TMBIM1: variants seen among roughly 807,000 people sequenced by gnomAD.
The protein encoded by TMBIM1 is transmembrane BAX inhibitor motif containing 1.
In TMBIM1, 34 loss-of-function variants were observed where a neutral mutation model predicts 45.1. The ratio of observed to expected loss-of-function variants is 0.75; its 90% CI spans 0.57 to 1.00. TMBIM1 has a LOEUF of 1.00. Among genes scored for constraint, TMBIM1 ranks in the 50% least tolerant of loss-of-function variants. The probability of loss-of-function intolerance (pLI) is 0.00; values close to 1 mark genes in which losing one functional copy is unlikely to be tolerated. For missense variants in TMBIM1, 374 were observed against 402.4 expected (o/e 0.93, Z 0.60); for synonymous variants, 157 against 153.5 (o/e 1.02, Z -0.17).
chr2:218,280,174 C>T (rs756070471), intron 2 of TMBIM1, 48 bp from the exon 3 acceptor site: 26 of 1,372,478 alleles, frequency 1.9e-5, no homozygotes, highest in Non-Finnish European at 2.6e-5. Context: ...AGACATGTGG[C>T]GTCAATCCCA....
At chr2:218,280,374 C>T (rs989366605) in intron 2 of TMBIM1, 4 of 442,240 alleles carry the variant, frequency 9.0e-6, no homozygotes, top group Admixed American at 3.7e-5. Context: ...GTGCCCAGCC[C>T]ACGCCACTGG....
chr2:218,284,588 G>T (rs1692349509), intron 1 of TMBIM1, among the ~76,000 whole-genome samples: 1 of 152,198 alleles, frequency 6.6e-6, no homozygotes, highest in African/African-American at 2.4e-5. Context: ...CAGGCTTTTG[G>T]TTTCAGAAGC....
intron 2 of TMBIM1, chr2:218,280,385 GGGTT>G (rs1691780230): frequency 2.4e-6 from 1 of 414,670 alleles, no homozygotes; most frequent in Non-Finnish European, 4.5e-6. Flanking sequence ...ACGCCACTGG[GGGTT>G]CACTGGGGGG....
chr2:218,282,360 T>G (rs976045099), intron 1 of TMBIM1, among the ~76,000 whole-genome samples, 179 bp from the exon 2 acceptor site: 6 of 152,208 alleles, frequency 3.9e-5, no homozygotes, highest in African/African-American at 1.4e-4. Context: ...ACTGGGCTCC[T>G]GTCCCTCCTG....
At chr2:218,285,157 T>C (rs1300780009) in intron 1 of TMBIM1, among the ~76,000 whole-genome samples, 1 of 152,212 alleles carries the variant, frequency 6.6e-6, no homozygotes, top group Non-Finnish European at 1.5e-5. Flanking sequence ...TCAATGGGGA[T>C]AAAGGTTGGT....
At chr2:218,280,751 TCCACGCTTGAGCCAC>T (rs1691826667) in intron 2 of TMBIM1, 1 of 151,450 alleles carries the variant, frequency 6.6e-6, no homozygotes, top group Non-Finnish European at 1.5e-5. Context: ...ACTTTTAAAA[TCCACGCTTGAGCCAC>T]CCAGGAAGAC....
chr2:218,284,518 G>A (rs1692343532), intron 1 of TMBIM1, among the ~76,000 whole-genome samples: 1 of 152,250 alleles, frequency 6.6e-6, no homozygotes, highest in South Asian at 2.1e-4. Flanking sequence ...CCAAGGTTCT[G>A]GTGCAGCTCA....
At chr2:218,276,251 A>G (rs372231919) in intron 10 of TMBIM1, among the ~76,000 whole-genome samples, 172 bp from the exon 11 acceptor site, 21 of 152,292 alleles carry the variant, frequency 1.4e-4, no homozygotes, top group African/African-American at 4.8e-4. Flanking sequence ...CTGGTGATAT[A>G]TCCAGCAGAG....
In TMBIM1 at chr2:218,279,261, G is replaced by A. The variant is rs775401061; in HGVS notation, c.368+28C>T. 3.8e-6 allele frequency: 6 copies of A among 1,565,560 alleles called. No homozygotes were observed. The South Asian group carries it at 6.0e-5, about 16-fold the overall frequency. ...TGACCCTGAACCCCCAGGGCAGTAG[G>A]AGTGGGTGGCAAAGCCTAGAGACTT... is the stretch of plus-strand genomic sequence containing the variant. On this transcript the variant is annotated intron_variant, in intron 4 of 11. Coordinates refer to ENST00000258412, the MANE Select transcript of TMBIM1 (RefSeq NM_022152.6).
rs532115515 is a variant in TMBIM1 at position 218,280,247 on chromosome 2, G to C, written c.203-121C>G. 5 of 734,710 alleles carry C rather than the reference G, an allele frequency of 6.8e-6. No individual in the cohort carries two copies. In the East Asian group the frequency reaches 1.1e-4, roughly 16 times the overall value. 45.5% of individuals were successfully genotyped at this position (734,710 alleles called of 1,614,324 possible). ...AGCCAAAAGACAAGTGTTATAACAG[G>C]AACTCTTCTCCCAAGCTGGGGTCTT... On this transcript the variant is annotated intron_variant, in intron 2 of 11. Transcript: ENST00000258412.
chr2:218,288,224 C>G (rs1407243522), intron 1 of TMBIM1, among the ~76,000 whole-genome samples: 1 of 152,120 alleles, frequency 6.6e-6, no homozygotes, highest in East Asian at 1.9e-4. Context: ...GTCAGGAGAT[C>G]GAGACCATCC....
At chr2:218,291,118 A>G (rs572193632) in intron 1 of TMBIM1, among the ~76,000 whole-genome samples, 10 of 152,090 alleles carry the variant, frequency 6.6e-5, no homozygotes, top group Non-Finnish European at 1.5e-4. Flanking sequence ...CCAGGTGGCT[A>G]TTACCCCAGC....
chr2:218,281,909 C>T (rs1387601416), intron 2 of TMBIM1, 31 bp downstream of exon 2: 2 of 1,547,434 alleles, frequency 1.3e-6, no homozygotes, highest in Non-Finnish European at 1.8e-6. Context: ...GTCCCTCCCA[C>T]CCACCTTCCA....
Position 218,277,047 on chromosome 2 carries a change from A to G in TMBIM1, c.692T>C (p.Leu231Pro). ...GLFCVLGIVL[L>P]VTGIVTSIVL... ...AATGCTAGTGACAATCCCAGTCACC[A>G]GGAGCACAATTCCCAGGACACAGAA... The change falls in exon 10 of 12, where the codon CTG becomes CCG. Residue 231 changes from leucine (L) to proline (P), a missense_variant. By Grantham distance (98) the Leu-to-Pro change is moderately conservative (BLOSUM62 -3). Coordinates refer to ENST00000258412, the MANE Select transcript of TMBIM1 (RefSeq NM_022152.6). 3 of 1,614,206 alleles carry G rather than the reference A, an allele frequency of 1.9e-6. No homozygotes were observed. Among genetic ancestry groups the G allele is most frequent in the Non-Finnish European group, 2.5e-6 (3 of 1,180,018 alleles).
Position 218,274,790 on chromosome 2 carries a change from G to A in TMBIM1, c.*685C>T, listed in dbSNP as rs1691039783. ...TCTGTCTTATAGCGTCACAAGCCAG[G>A]AGCAAGCCCAGGGGAGATGCTGTTC... On this transcript the variant is annotated 3_prime_UTR_variant, in exon 12 of 12. Transcript: ENST00000258412. The A allele has an allele frequency of 1.9e-5, 3 of 154,560 alleles. No individual in the cohort carries two copies. In the South Asian group the frequency reaches 6.1e-4, roughly 32 times the overall value. 9.6% of individuals were successfully genotyped at this position (154,560 alleles called of 1,614,324 possible). A position where few individuals can be genotyped will look rare whatever the true frequency, so the allele number is the denominator to read the frequency against.
At chr2:218,278,460 G>T in intron 6 of TMBIM1, 55 bp downstream of exon 6, 2 of 1,552,132 alleles carry the variant, frequency 1.3e-6, no homozygotes, top group Non-Finnish European at 1.8e-6. Flanking sequence ...AAAATACTCG[G>T]CCCCCATCCC....
At chr2:218,276,711 G>A (rs747033738) in intron 10 of TMBIM1, among the ~76,000 whole-genome samples, 37 of 152,270 alleles carry the variant, frequency 2.4e-4, no homozygotes, top group Middle Eastern at 6.8e-3. Flanking sequence ...GTCTGCCTCC[G>A]AGAACCTGAT....
At position 218,282,174 on chromosome 2, in the gene TMBIM1, G is replaced by A. The variant is rs762771820; in HGVS notation, c.-33C>T. The A allele has an allele frequency of 3.5e-6, 5 of 1,428,030 alleles. No individual in the cohort carries two copies. The highest frequency in any genetic ancestry group is 3.0e-5 in the Admixed American group (1 of 33,144). The allele number at this position is 1,428,030 out of a possible 1,614,324, so 88.5% of individuals were successfully genotyped here. A position where few individuals can be genotyped will look rare whatever the true frequency, so the allele number is the denominator to read the frequency against. The stretch of plus-strand genomic sequence containing the variant: ...CACGGGCTGAGGGGGAACCCCAGCT[G>A]CTGGGACCTGAAATGGGAGAGGAGA... On this transcript the variant is annotated 5_prime_UTR_variant, in exon 2 of 12. Coordinates refer to ENST00000258412, the MANE Select transcript of TMBIM1 (RefSeq NM_022152.6).
chr2:218,276,220 A>ATCTTGGAG, intron 10 of TMBIM1, 141 bp from the exon 11 acceptor site: 1 of 836,746 alleles, frequency 1.2e-6, no homozygotes, highest in Non-Finnish European at 1.9e-6. Context: ...CTGCCTTTCC[A>ATCTTGGAG]GATCTTGGAG....
Sources: allele counts gnomAD v4.1 joint callset (sites outside exome capture counted in the v4.1 genomes callset), GRCh38; gene constraint gnomAD v4.1.1; transcripts MANE v1.5; gene names NCBI Gene and HGNC (gene_info 2026-07-23, HGNC 2026-07-21).